Variants in TASP1 observed in about 807,000 individuals in gnomAD.
TASP1 encodes the protein taspase 1.
Under a neutral mutation model 56.6 loss-of-function variants are expected in TASP1, and 16 were observed. The ratio of observed to expected loss-of-function variants is 0.28; its 90% confidence interval spans 0.19 to 0.43. The LOEUF is 0.43. Ranked by LOEUF, TASP1 falls within the 20% of genes least tolerant of loss-of-function variation. The pLI is 1.00. For synonymous variants in TASP1, 179 were observed against 184.2 expected (o/e 0.97, Z 0.23); for missense variants, 393 against 511.6 (o/e 0.77, Z 2.24).
the TASP1 span, among the ~76,000 whole-genome samples, chr20:13,124,773 C>T: frequency 6.6e-6 from 1 of 152,174 alleles, no homozygotes; most frequent in Admixed American, 6.5e-5. Context: ...AATGCCCACA[C>T]ATACCTAAGA....
chr20:13,531,046 ATTG>A (rs1369147225), intron 9 of TASP1, among the ~76,000 whole-genome samples: 2 of 152,168 alleles, frequency 1.3e-5, no homozygotes, highest in African/African-American at 4.8e-5. Context: ...CCTACCTCAT[ATTG>A]TTGTCACAGG....
At chr20:13,106,568 C>G in the TASP1 span, among the ~76,000 whole-genome samples, 1 of 152,116 alleles carries the variant, frequency 6.6e-6, no homozygotes, top group African/African-American at 2.4e-5. Context: ...TGTTGACAAA[C>G]TATGTCAGAA....
chr20:13,240,765 G>A, the TASP1 span, among the ~76,000 whole-genome samples: 8 of 152,230 alleles, frequency 5.3e-5, no homozygotes, highest in African/African-American at 1.7e-4. Context: ...CCAGGGTAGA[G>A]AAGAGTGGAT....
chr20:13,514,719 T>A (rs1275112174), intron 10 of TASP1, among the ~76,000 whole-genome samples: 1 of 152,178 alleles, frequency 6.6e-6, no homozygotes, highest in African/African-American at 2.4e-5. Flanking sequence ...CTAGTCAGTA[T>A]TTATTTCAAT....
At chr20:13,233,587 C>T in the TASP1 span, among the ~76,000 whole-genome samples, 4 of 143,598 alleles carry the variant, frequency 2.8e-5, no homozygotes. Context: ...AAGAGCGAAA[C>T]TCCATCTCAA....
intron 5 of TASP1, 25 bp from the exon 6 acceptor site, chr20:13,581,006 C>T: frequency 8.0e-7 from 1 of 1,252,440 alleles, no homozygotes. Flanking sequence ...AAAAAATTGG[C>T]AAAAAAGATG....
At chr20:13,261,735 T>A in the TASP1 span, among the ~76,000 whole-genome samples, 1 of 152,256 alleles carries the variant, frequency 6.6e-6, no homozygotes, top group South Asian at 2.1e-4. Flanking sequence ...TAGCAATAGG[T>A]TTCAATGAGG....
At chr20:13,194,972 T>G in the TASP1 span, among the ~76,000 whole-genome samples, 252 of 152,184 alleles carry the variant, frequency 1.7e-3, no homozygotes, top group Non-Finnish European at 2.8e-3. Flanking sequence ...TGGGGTGCCT[T>G]GCAGCAACCA....
chr20:13,574,917 AT>A (rs1236252542), intron 6 of TASP1, among the ~76,000 whole-genome samples: 6 of 152,206 alleles, frequency 3.9e-5, no homozygotes, highest in East Asian at 1.9e-4. Context: ...TCAGAAAAAA[AT>A]ATCTGAAAAG....
chr20:13,252,936 C>G, the TASP1 span, among the ~76,000 whole-genome samples: 11 of 152,268 alleles, frequency 7.2e-5, no homozygotes, highest in South Asian at 4.1e-4. Flanking sequence ...CCCAGCCCCC[C>G]CTCTCAGATC....
At chr20:13,525,350 T>C (rs2044933474) in intron 10 of TASP1, among the ~76,000 whole-genome samples, 2 of 152,168 alleles carry the variant, frequency 1.3e-5, no homozygotes, top group African/African-American at 4.8e-5. Flanking sequence ...GTGCCTGCTC[T>C]AGTCTATCCC....
intron 10 of TASP1, 111 bp from the exon 11 acceptor site, chr20:13,483,448 A>C: frequency 1.6e-6 from 1 of 621,482 alleles, no homozygotes; most frequent in South Asian, 4.9e-5. Flanking sequence ...GTTAGCTGGG[A>C]AAATAATTCC....
the TASP1 span, among the ~76,000 whole-genome samples, chr20:13,320,831 C>T: frequency 6.6e-6 from 1 of 152,216 alleles, no homozygotes; most frequent in African/African-American, 2.4e-5. Flanking sequence ...GTTAAAGATA[C>T]CATTTCTTTT....
At chr20:13,616,517 C>T (rs1312765775) in intron 4 of TASP1, among the ~76,000 whole-genome samples, 1 of 151,908 alleles carries the variant, frequency 6.6e-6, no homozygotes, top group African/African-American at 2.4e-5. Context: ...CCCATTACTA[C>T]AAAGTAAAAG....
the TASP1 span, among the ~76,000 whole-genome samples, chr20:13,262,187 A>G: frequency 2.2e-4 from 33 of 152,066 alleles, no homozygotes; most frequent in Non-Finnish European, 3.4e-4. Context: ...ATATTTGCTC[A>G]AAGTTTGACT....
the TASP1 span, among the ~76,000 whole-genome samples, chr20:13,361,416 C>G: frequency 6.6e-6 from 1 of 152,080 alleles, no homozygotes; most frequent in Non-Finnish European, 1.5e-5. Flanking sequence ...TTCAGTGAAA[C>G]CTTTATATCC....
chr20:13,547,173 A>T (rs1009670980), intron 8 of TASP1, among the ~76,000 whole-genome samples: 1 of 152,240 alleles, frequency 6.6e-6, no homozygotes, highest in African/African-American at 2.4e-5. Context: ...TTCTATGGAC[A>T]TACACAAACA....
chr20:13,589,427 G>A (rs576020861), intron 4 of TASP1, among the ~76,000 whole-genome samples: 2 of 152,138 alleles, frequency 1.3e-5, no homozygotes, highest in Non-Finnish European at 2.9e-5. Flanking sequence ...AATGAAGTTG[G>A]ACCCCTATCT....
chr20:13,566,205 CTT>C (rs1490231880), intron 7 of TASP1, among the ~76,000 whole-genome samples: 1 of 152,008 alleles, frequency 6.6e-6, no homozygotes, highest in Non-Finnish European at 1.5e-5. Context: ...ATGGGTACAG[CTT>C]TGGTGTTACG....
Sources: allele counts gnomAD v4.1 joint callset (sites outside exome capture counted in the v4.1 genomes callset), GRCh38; gene constraint gnomAD v4.1.1; transcripts MANE v1.5; gene names NCBI Gene and HGNC (gene_info 2026-07-23, HGNC 2026-07-21).